DMD: variants seen among roughly 807,000 people sequenced by gnomAD.
DMD encodes the protein dystrophin.
A neutral mutation model predicts 330.1 loss-of-function variants in DMD; 63 were observed. That is an observed-to-expected ratio of 0.19 (90% CI 0.16 to 0.24). DMD has a LOEUF of 0.24. Among genes scored for constraint, DMD ranks in the 10% least tolerant of loss-of-function variants. The pLI, the probability that DMD is intolerant of heterozygous loss-of-function variation, is 1.00. For missense variants in DMD, 3,344 were observed against 2,684.1 expected (o/e 1.25, Z -5.43); for synonymous variants, 1,223 against 959.8 (o/e 1.27, Z -5.07).
chrX:31,925,229 C>A, intron 47 of DMD, among the ~76,000 whole-genome samples: 1 of 111,730 alleles, frequency 9.0e-6, no homozygotes, highest in Non-Finnish European at 1.9e-5. Context: ...ACATAAAAAT[C>A]ACTTGAGCTT....
intron 2 of DMD, among the ~76,000 whole-genome samples, chrX:32,954,315 T>C (rs1225893920): frequency 1.8e-5 from 2 of 111,628 alleles, no homozygotes; most frequent in Non-Finnish European, 3.8e-5. Flanking sequence ...TTTCTTTAAA[T>C]AGAATGTGAC....
intron 1 of DMD, among the ~76,000 whole-genome samples, chrX:33,108,639 G>A (rs1197812725): frequency 9.5e-6 from 1 of 105,027 alleles, no homozygotes; most frequent in Non-Finnish European, 2.0e-5. Flanking sequence ...CCTTTGTGAG[G>A]CCCAGGAGGG....
At chrX:31,650,285 C>T (rs1468687835) in intron 54 of DMD, among the ~76,000 whole-genome samples, 1 of 104,298 alleles carries the variant, frequency 9.6e-6, no homozygotes, top group African/African-American at 3.5e-5. Flanking sequence ...AAATGTGCCA[C>T]ATATATATTA....
At chrX:31,429,006 C>G (rs1461157011) in intron 60 of DMD, among the ~76,000 whole-genome samples, 1 of 109,906 alleles carries the variant, frequency 9.1e-6, no homozygotes, top group Non-Finnish European at 1.9e-5. Context: ...CCTGTAGTCC[C>G]AGCTACTCGG....
intron 50 of DMD, among the ~76,000 whole-genome samples, chrX:31,794,627 T>C (rs2091738945): frequency 9.0e-6 from 1 of 111,552 alleles, no homozygotes; most frequent in Non-Finnish European, 1.9e-5. Context: ...TTTTATTAGG[T>C]CTGCAGAAAC....
chrX:31,761,222 A>C (rs2089563272), intron 51 of DMD, among the ~76,000 whole-genome samples: 1 of 110,781 alleles, frequency 9.0e-6, no homozygotes, highest in Admixed American at 9.7e-5. Flanking sequence ...TTTCCATTTT[A>C]ACGGCACAAA....
At chrX:32,056,856 A>G (rs1289961876) in intron 44 of DMD, among the ~76,000 whole-genome samples, 1 of 111,500 alleles carries the variant, frequency 9.0e-6, no homozygotes, top group African/African-American at 3.3e-5. Context: ...TAAATATAGA[A>G]GCAAAATAAC....
intron 55 of DMD, among the ~76,000 whole-genome samples, chrX:31,528,254 A>G (rs386508631): frequency 0.099 from 11,019 of 111,679 alleles, 533 homozygotes; most frequent in Admixed American, 0.19. Flanking sequence ...GGAACACTTT[A>G]CTATTATTTT....
chrX:31,734,394 T>G (rs1444374138), intron 51 of DMD, among the ~76,000 whole-genome samples: 1 of 111,299 alleles, frequency 9.0e-6, no homozygotes, highest in African/African-American at 3.3e-5. Context: ...TTATCCATAC[T>G]CTATATTCAG....
At position 32,454,872 on chromosome X, in the gene DMD, T is replaced by C. The variant is rs761300134; in HGVS notation, c.3433-40A>G. 5.7e-5 allele frequency: 67 copies of C among 1,171,463 alleles called. No homozygotes were observed. The Admixed American group carries it at 1.4e-3, about 25-fold the overall frequency. ...ACAAACAAAACACGATTATTGACAG[T>C]GATGAAACATTATTATTATATTATT... On this transcript the variant is annotated intron_variant, in intron 25 of 78. Coordinates refer to ENST00000357033, the MANE Select transcript of DMD (RefSeq NM_004006.3).
At chrX:33,268,974 T>C (rs989894674) in intron 1 of DMD, among the ~76,000 whole-genome samples, 14 of 109,363 alleles carry the variant, frequency 1.3e-4, no homozygotes, top group African/African-American at 4.0e-4. Context: ...AGGGAGTGCT[T>C]ATACACTGTT....
At chrX:32,925,565 T>C (rs1248638147) in intron 2 of DMD, among the ~76,000 whole-genome samples, 2 of 111,193 alleles carry the variant, frequency 1.8e-5, no homozygotes, top group African/African-American at 3.3e-5. Flanking sequence ...ACTAAAGCAA[T>C]TGATGAAACA....
intron 62 of DMD, among the ~76,000 whole-genome samples, chrX:31,273,361 G>C (rs1029197686): frequency 8.9e-6 from 1 of 112,279 alleles, no homozygotes; most frequent in Non-Finnish European, 1.9e-5. Flanking sequence ...ATATCAAGTA[G>C]TAATGCAGCT....
intron 1 of DMD, among the ~76,000 whole-genome samples, chrX:33,175,414 C>T (rs1374252117): frequency 2.7e-5 from 3 of 112,280 alleles, no homozygotes; most frequent in African/African-American, 3.2e-5. Flanking sequence ...GGCCTATTTA[C>T]GTATATTATG....
At chrX:33,228,668 T>C (rs1317639435) in intron 1 of DMD, among the ~76,000 whole-genome samples, 1 of 109,055 alleles carries the variant, frequency 9.2e-6, no homozygotes, top group Admixed American at 9.8e-5. Context: ...TATCAGGCTC[T>C]CACTTCCACC....
chrX:32,322,226 G>A (rs2097620405), intron 41 of DMD, among the ~76,000 whole-genome samples: 1 of 111,327 alleles, frequency 9.0e-6, no homozygotes, highest in Admixed American at 9.6e-5. Context: ...AGCTAAAGAA[G>A]TTATTAATAT....
At chrX:32,548,246 T>G (rs1603636016) in intron 16 of DMD, among the ~76,000 whole-genome samples, 1 of 111,633 alleles carries the variant, frequency 9.0e-6, no homozygotes, top group South Asian at 3.7e-4. Context: ...ATAGGGACGA[T>G]GATAATCACA....
At chrX:32,327,798 C>T (rs1236254257) in intron 41 of DMD, among the ~76,000 whole-genome samples, 1 of 111,675 alleles carries the variant, frequency 9.0e-6, no homozygotes, top group African/African-American at 3.3e-5. Flanking sequence ...TTGACACAAT[C>T]AATTTTCACT....
intron 44 of DMD, among the ~76,000 whole-genome samples, chrX:32,092,570 A>C (rs1603624770): frequency 9.0e-6 from 1 of 110,855 alleles, no homozygotes; most frequent in Non-Finnish European, 1.9e-5. Context: ...TCATTTATCT[A>C]TACATGTTTA....
Sources: allele counts gnomAD v4.1 joint callset (sites outside exome capture counted in the v4.1 genomes callset), GRCh38; gene constraint gnomAD v4.1.1; transcripts MANE v1.5; gene names NCBI Gene and HGNC (gene_info 2026-07-23, HGNC 2026-07-21).